The following MAL2 variants were observed in gnomAD, a reference collection of about 807,000 sequenced individuals.
The protein encoded by MAL2 is mal, T cell differentiation protein 2.
MAL2 carries 17 observed loss-of-function variants against 18.1 expected under a neutral mutation model. The observed-to-expected ratio is 0.94, with a 90% CI of 0.64 to 1.41. The LOEUF is 1.41. Ranked by LOEUF, MAL2 falls within the 40% of genes most tolerant of loss-of-function variation. The probability of loss-of-function intolerance (pLI) is 0.00; values close to 1 mark genes in which losing one functional copy is unlikely to be tolerated. For synonymous variants in MAL2, 102 were observed against 102.3 expected, an observed-to-expected ratio of 1.00 and a Z score of 0.02; for missense variants, 222 against 231.9, an observed-to-expected ratio of 0.96 and a Z score of 0.28.
rs77683686 is a variant in MAL2 at position 119,219,424 on chromosome 8, T to C, written c.133-2163T>C. ...CTGAAATGCAATGTACAGATGAGTA[T>C]TGATTTTTAATATTTGGAGCTCCAA... On this transcript the variant is annotated intron_variant, in intron 1 of 3. Transcript: ENST00000614891. Among the ~76,000 whole-genome samples, 990 of 152,284 alleles carry C rather than the reference T, an allele frequency of 6.5e-3. 11 individuals are homozygous for C. The highest frequency in any genetic ancestry group is 0.023 in the African/African-American group (936 of 41,550).
intron 2 of MAL2, among the ~76,000 whole-genome samples, chr8:119,235,754 G>C (rs1236988687): frequency 6.8e-6 from 1 of 147,936 alleles, no homozygotes; most frequent in Non-Finnish European, 1.5e-5. Flanking sequence ...GAGAGGTTTT[G>C]TCACCACCAG....
chr8:119,237,542 A>C (rs1321053383), intron 2 of MAL2, among the ~76,000 whole-genome samples: 1 of 151,700 alleles, frequency 6.6e-6, no homozygotes, highest in Non-Finnish European at 1.5e-5. Context: ...ATCGTCAATA[A>C]AATACTGGCA....
At chr8:119,220,227 A>T (rs948583400) in intron 1 of MAL2, among the ~76,000 whole-genome samples, 3 of 152,140 alleles carry the variant, frequency 2.0e-5, no homozygotes, top group African/African-American at 7.2e-5. Context: ...TATTTTCCTT[A>T]TCTGTCCTTT....
At chr8:119,242,012 A>G (rs778936818) in intron 3 of MAL2, among the ~76,000 whole-genome samples, 5 of 152,152 alleles carry the variant, frequency 3.3e-5, no homozygotes, top group Non-Finnish European at 5.9e-5. Flanking sequence ...AGCTTTACAA[A>G]GCAAAGTTCA....
intron 2 of MAL2, among the ~76,000 whole-genome samples, chr8:119,233,831 C>T (rs1817795992): frequency 2.0e-5 from 3 of 152,018 alleles, no homozygotes; most frequent in Non-Finnish European, 4.4e-5. Context: ...TTTTATGAGG[C>T]TAGCATCATC....
At chr8:119,226,835 G>T (rs1817606536) in intron 2 of MAL2, among the ~76,000 whole-genome samples, 1 of 152,206 alleles carries the variant, frequency 6.6e-6, no homozygotes, top group Admixed American at 6.5e-5. Context: ...GCTGTCTTGT[G>T]TTTAAACAAG....
chr8:119,238,131 A>G (rs1817954160), intron 2 of MAL2, among the ~76,000 whole-genome samples: 1 of 152,254 alleles, frequency 6.6e-6, no homozygotes, highest in East Asian at 1.9e-4. Context: ...AAGCATTCTT[A>G]TATACCAATA....
rs1818101448 is a variant in MAL2 at position 119,243,942 on chromosome 8, T to C, written c.*454T>C. 6.5e-6 allele frequency: 1 copy of C among 152,986 alleles called. No homozygotes were observed. Among genetic ancestry groups the C allele is most frequent in the African/African-American group, 2.4e-5 (1 of 41,458 alleles). The allele number at this position is 152,986 out of a possible 1,614,324, so 9.5% of individuals were successfully genotyped here. A position where few individuals can be genotyped will look rare whatever the true frequency, so the allele number is the denominator to read the frequency against. ...AGGAATTGGCACACTTTTTTTAGAATGGGCCAGATGGTAAATATTTATGCT... is the reference window on the plus strand; with the variant it reads ...AGGAATTGGCACACTTTTTTTAGAACGGGCCAGATGGTAAATATTTATGCT... On this transcript the variant is annotated 3_prime_UTR_variant, in exon 4 of 4. Transcript: ENST00000614891.
At chr8:119,212,472 T>G (rs1817282149) in intron 1 of MAL2, among the ~76,000 whole-genome samples, 1 of 152,238 alleles carries the variant, frequency 6.6e-6, no homozygotes, top group African/African-American at 2.4e-5. Context: ...GCATCAAGCC[T>G]TCTTTTATGC....
At chr8:119,224,127 A>C (rs1046854997) in intron 2 of MAL2, 6 of 152,184 alleles carry the variant, frequency 3.9e-5, no homozygotes, top group Non-Finnish European at 7.3e-5. Context: ...GGTTTTATTG[A>C]CTAAGAAAAT....
At chr8:119,227,689 T>G (rs944581966) in intron 2 of MAL2, among the ~76,000 whole-genome samples, 2 of 152,198 alleles carry the variant, frequency 1.3e-5, no homozygotes, top group Non-Finnish European at 2.9e-5. Flanking sequence ...TGCTCCACTC[T>G]CCTCTCATAC....
chr8:119,218,028 G>A (rs1283872473), intron 1 of MAL2, among the ~76,000 whole-genome samples: 1 of 152,110 alleles, frequency 6.6e-6, no homozygotes, highest in Non-Finnish European at 1.5e-5. Flanking sequence ...ACAAAGTAGG[G>A]AATAATAACT....
chr8:119,215,258 C>T (rs998480793), intron 1 of MAL2: 2 of 152,166 alleles, frequency 1.3e-5, no homozygotes, highest in Admixed American at 6.5e-5. Flanking sequence ...TCGCTTCACT[C>T]GTTTTCATGC....
chr8:119,221,691 G>A lies in MAL2; in HGVS notation c.237G>A (p.Ser79=), dbSNP rs377088720. The A allele has an allele frequency of 4.5e-4, 721 of 1,613,516 alleles. No homozygotes were observed. The highest frequency in any genetic ancestry group is 5.9e-4 in the Non-Finnish European group (691 of 1,179,824). ...TGTCCGTGACAGCGTTTTTCTTTTC[G>A]CTCCTCTTTCTGGGCATGTTCCTCT... ...MFVSVTAFFF[S]LLFLGMFLSG... Residue 79 remains serine (S), a synonymous_variant, in exon 2 of 4, where the codon TCG becomes TCA. Transcript: ENST00000614891.
At chr8:119,213,489 C>A (rs535156229) in intron 1 of MAL2, among the ~76,000 whole-genome samples, 6 of 151,978 alleles carry the variant, frequency 3.9e-5, no homozygotes, top group Non-Finnish European at 7.4e-5. Context: ...TATTTTTTTT[C>A]CTTTGCCTCT....
At position 119,219,479 on chromosome 8, in the gene MAL2, C is replaced by T. The variant is rs369912758; in HGVS notation, c.133-2108C>T. Reference sequence around the variant, plus strand: ...TCTCACATGAGCACTAGCTTGTTTACTAAGCAAATAATTTAAGAGCGTGCT... The same window carrying T: ...TCTCACATGAGCACTAGCTTGTTTATTAAGCAAATAATTTAAGAGCGTGCT... On this transcript the variant is annotated intron_variant, in intron 1 of 3. Transcript: ENST00000614891. 5.1e-4 allele frequency among the ~76,000 whole-genome samples: 78 copies of T among 151,844 alleles called. No homozygotes were observed. The Middle Eastern group carries it at 0.024, about 46-fold the overall frequency.
Position 119,244,258 on chromosome 8 carries a change from G to A in MAL2, c.*770G>A, listed in dbSNP as rs981897424. On this transcript the variant is annotated 3_prime_UTR_variant, in exon 4 of 4. Coordinates refer to ENST00000614891, the MANE Select transcript of MAL2 (RefSeq NM_052886.3). Reference sequence around the variant, plus strand: ...TATGCAATAATCACATTGCCTTTGTGTTAATAGTCAAATACTTACCTTTGG... The same window carrying A: ...TATGCAATAATCACATTGCCTTTGTATTAATAGTCAAATACTTACCTTTGG... 3 of 152,178 alleles carry A rather than the reference G, an allele frequency of 2.0e-5. No individual in the cohort carries two copies. Among genetic ancestry groups the A allele is most frequent in the Admixed American group, 6.6e-5 (1 of 15,262 alleles). 9.4% of individuals were successfully genotyped at this position (152,178 alleles called of 1,614,324 possible). A position where few individuals can be genotyped will look rare whatever the true frequency, so the allele number is the denominator to read the frequency against.
At chr8:119,214,394 T>C (rs1403229458) in intron 1 of MAL2, among the ~76,000 whole-genome samples, 1 of 152,164 alleles carries the variant, frequency 6.6e-6, no homozygotes, top group Non-Finnish European at 1.5e-5. Context: ...CCATATCCTT[T>C]TATAGACAAC....
At chr8:119,241,040 T>G (rs1818037357) in intron 3 of MAL2, among the ~76,000 whole-genome samples, 1 of 152,182 alleles carries the variant, frequency 6.6e-6, no homozygotes. Context: ...TTAATATAAG[T>G]ATATGGCAAG....
Sources: gnomAD v4.1 joint callset for allele counts (sites outside exome capture counted in the v4.1 genomes callset) on GRCh38, gnomAD v4.1.1 for gene constraint, MANE v1.5 for transcripts, NCBI Gene and HGNC (gene_info 2026-07-23, HGNC 2026-07-21) for gene names.